Variants in THSD4 observed in about 807,000 individuals in gnomAD.
THSD4 encodes the protein thrombospondin type-1 domain-containing protein 4.
Under a neutral mutation model 119.0 loss-of-function variants are expected in THSD4, and 69 were observed. The observed-to-expected ratio is 0.58, with a 90% CI of 0.48 to 0.71. The LOEUF is 0.71. THSD4 is among the 30% of genes least tolerant of loss of function. THSD4 has a pLI of 0.00. For synonymous variants in THSD4, 524 were observed against 540.4 expected, an observed-to-expected ratio of 0.97 and a Z score of 0.42; for missense variants, 1,393 against 1,391.1, an observed-to-expected ratio of 1.00 and a Z score of -0.02.
At chr15:71,287,011 G>T (rs992328856) in intron 6 of THSD4, among the ~76,000 whole-genome samples, 2 of 152,016 alleles carry the variant, frequency 1.3e-5, no homozygotes, top group African/African-American at 4.8e-5. Context: ...GCCTATTATC[G>T]TTCACATTTT....
chr15:71,254,809 G>A (rs577274730), intron 5 of THSD4, among the ~76,000 whole-genome samples: 1 of 152,348 alleles, frequency 6.6e-6, no homozygotes, highest in Non-Finnish European at 1.5e-5. Context: ...CTAGGAGACA[G>A]GCTTCTGTGG....
chr15:71,607,942 G>T (rs1480476823), intron 7 of THSD4, among the ~76,000 whole-genome samples: 2 of 152,054 alleles, frequency 1.3e-5, no homozygotes, highest in Admixed American at 1.3e-4. Context: ...TATATACTTA[G>T]CCTGGGCTGG....
intron 7 of THSD4, among the ~76,000 whole-genome samples, chr15:71,483,661 G>A (rs546765475): frequency 8.0e-4 from 122 of 152,064 alleles, no homozygotes; most frequent in African/African-American, 2.8e-3. Context: ...AATGTGTGCC[G>A]TGGTGGTGGT....
intron 6 of THSD4, among the ~76,000 whole-genome samples, chr15:71,318,390 T>C (rs1039511738): frequency 6.6e-6 from 1 of 152,176 alleles, no homozygotes; most frequent in Non-Finnish European, 1.5e-5. Flanking sequence ...GGAGTTAGTT[T>C]GGTGTTTTCT....
At chr15:71,133,620 G>A (rs899608429) in intron 1 of THSD4, among the ~76,000 whole-genome samples, 2 of 152,144 alleles carry the variant, frequency 1.3e-5, no homozygotes, top group African/African-American at 4.8e-5. Flanking sequence ...AAGCAACGAA[G>A]TCAGTCATAT....
intron 7 of THSD4, among the ~76,000 whole-genome samples, chr15:71,433,557 CATAG>C (rs1170688450): frequency 2.0e-5 from 3 of 151,492 alleles, no homozygotes; most frequent in Non-Finnish European, 2.9e-5. Flanking sequence ...AGATACTGGA[CATAG>C]ACACCCTCCC....
At chr15:71,422,226 G>A (rs778725697) in intron 7 of THSD4, among the ~76,000 whole-genome samples, 4 of 152,090 alleles carry the variant, frequency 2.6e-5, no homozygotes, top group Non-Finnish European at 5.9e-5. Flanking sequence ...TGTTCACTGG[G>A]GTCTTGATAG....
chr15:71,517,222 T>G (rs2048373958), intron 7 of THSD4, among the ~76,000 whole-genome samples: 1 of 152,226 alleles, frequency 6.6e-6, no homozygotes. Context: ...AGCATCTGAT[T>G]TGATAATGGA....
At chr15:71,299,952 G>A (rs1399391019) in intron 6 of THSD4, among the ~76,000 whole-genome samples, 3 of 77,814 alleles carry the variant, frequency 3.9e-5, no homozygotes, top group South Asian at 1.1e-3. Context: ...ATGAGACCCT[G>A]TCTCTACCAA....
intron 2 of THSD4, among the ~76,000 whole-genome samples, chr15:71,151,364 T>C (rs2040720948): frequency 6.6e-6 from 1 of 151,796 alleles, no homozygotes; most frequent in Admixed American, 6.6e-5. Flanking sequence ...GTGTAACATG[T>C]TTATGGAGCT....
intron 6 of THSD4, among the ~76,000 whole-genome samples, chr15:71,285,739 A>G (rs2044707845): frequency 6.6e-6 from 1 of 151,682 alleles, no homozygotes; most frequent in South Asian, 2.1e-4. Flanking sequence ...CTGTAGTCCC[A>G]GCTATTCAGG....
Position 71,625,924 on chromosome 15 carries a change from C to T in THSD4, c.1153-34606C>T, listed in dbSNP as rs907160101. On this transcript the variant is annotated intron_variant, in intron 7 of 17. Transcript: ENST00000261862. Reference sequence around the variant, plus strand: ...GAGTCACGGAAGACTTCCTGGAGGACTCTGCAGGATTAGAAATGGGTAAAT... The same window carrying T: ...GAGTCACGGAAGACTTCCTGGAGGATTCTGCAGGATTAGAAATGGGTAAAT... 3.3e-5 allele frequency among the ~76,000 whole-genome samples: 5 copies of T among 152,168 alleles called. No homozygotes were observed. In the South Asian group the frequency reaches 1.0e-3, roughly 32 times the overall value.
At chr15:71,432,102 C>T (rs183593128) in intron 7 of THSD4, among the ~76,000 whole-genome samples, 58 of 151,992 alleles carry the variant, frequency 3.8e-4, no homozygotes, top group Admixed American at 1.1e-3. Flanking sequence ...CTAGGACTCG[C>T]GTACTATTTT....
At chr15:71,352,990 T>C (rs958873405) in intron 6 of THSD4, among the ~76,000 whole-genome samples, 3 of 152,054 alleles carry the variant, frequency 2.0e-5, no homozygotes, top group African/African-American at 7.2e-5. Flanking sequence ...GTTGGGTAGG[T>C]GGGACGATTG....
intron 6 of THSD4, among the ~76,000 whole-genome samples, chr15:71,367,561 G>T (rs1485793807): frequency 1.3e-5 from 2 of 152,174 alleles, no homozygotes; most frequent in African/African-American, 4.8e-5. Flanking sequence ...GTGATAGTTT[G>T]CTGAGAATGA....
chr15:71,448,832 C>T (rs1293361870), intron 7 of THSD4, among the ~76,000 whole-genome samples: 2 of 152,222 alleles, frequency 1.3e-5, no homozygotes, highest in African/African-American at 4.8e-5. Flanking sequence ...ATAATATTAA[C>T]TGCCTGGTAG....
chr15:71,199,908 ATGTGTGGGGTGTGTGTGTGTG>A (rs1160719057), intron 3 of THSD4, among the ~76,000 whole-genome samples: 4 of 35,486 alleles, frequency 1.1e-4, no homozygotes, highest in South Asian at 7.7e-4. Context: ...TGTGTGGTGC[ATGTGTGGGGTGTGTGTGTGTG>A]TGTGTGTATG....
intron 6 of THSD4, among the ~76,000 whole-genome samples, chr15:71,334,642 T>C (rs1383930216): frequency 6.6e-6 from 1 of 152,176 alleles, no homozygotes; most frequent in Non-Finnish European, 1.5e-5. Context: ...TGCGGCCAAA[T>C]GCCAGCCCAT....
intron 6 of THSD4, among the ~76,000 whole-genome samples, chr15:71,260,141 A>G (rs2044373576): frequency 6.6e-6 from 1 of 152,224 alleles, no homozygotes; most frequent in Non-Finnish European, 1.5e-5. Context: ...TGCAAACCAC[A>G]AAGAAAACTT....
Sources: allele counts gnomAD v4.1 joint callset (sites outside exome capture counted in the v4.1 genomes callset), GRCh38; gene constraint gnomAD v4.1.1; transcripts MANE v1.5; gene names NCBI Gene and HGNC (gene_info 2026-07-23, HGNC 2026-07-21).